Variants in MYRIP observed in about 807,000 individuals in gnomAD.
The protein encoded by MYRIP is myosin VIIA and Rab interacting protein.
In MYRIP, 49 loss-of-function variants were observed where a neutral mutation model predicts 98.0. That is an observed-to-expected ratio of 0.50 (90% CI 0.40 to 0.63). The LOEUF (loss-of-function observed/expected upper bound fraction) is 0.63, where lower values mean the gene tolerates loss of function less well. Among genes scored for constraint, MYRIP ranks in the 30% least tolerant of loss-of-function variants. MYRIP has a pLI of 0.00. For synonymous variants in MYRIP, 404 were observed against 409.5 expected (o/e 0.99, Z 0.16); for missense variants, 1,004 against 1,058.2 (o/e 0.95, Z 0.71).
At chr3:40,001,089 A>G (rs1320849469) in intron 2 of MYRIP, among the ~76,000 whole-genome samples, 2 of 152,298 alleles carry the variant, frequency 1.3e-5, no homozygotes, top group African/African-American at 2.4e-5. Flanking sequence ...TTTTTGTTTT[A>G]ATGTATATTA....
At position 39,824,635 on chromosome 3, in the gene MYRIP, G is replaced by A. The variant is rs562142859; in HGVS notation, c.-31+14719G>A. Among the ~76,000 whole-genome samples, 75 of 151,432 alleles carry A rather than the reference G, an allele frequency of 5.0e-4. 1 individual carries two copies. The highest frequency in any genetic ancestry group is 2.1e-3 in the Admixed American group (32 of 15,218). Reference sequence around the variant, plus strand: ...TTTATTTTTTGTAGCCATTGTAAATGGGATTGCCTTCTGGATTTCTTTTTC... The same window carrying A: ...TTTATTTTTTGTAGCCATTGTAAATAGGATTGCCTTCTGGATTTCTTTTTC... On this transcript the variant is annotated intron_variant, in intron 1 of 16. Coordinates refer to ENST00000302541, the MANE Select transcript of MYRIP (RefSeq NM_015460.4).
In MYRIP at chr3:40,258,390, T is replaced by A. The variant is rs560430978; in HGVS notation, c.*224T>A. ...TCTCTGCCTTAGGCTCCCAGGGGAA[T>A]CCAAGACAGAAAATGAAGACACTGG... On this transcript the variant is annotated 3_prime_UTR_variant, in exon 17 of 17. Coordinates refer to ENST00000302541, the MANE Select transcript of MYRIP (RefSeq NM_015460.4). 4 of 491,684 alleles carry A rather than the reference T, an allele frequency of 8.1e-6. No individual in the cohort carries two copies. Among genetic ancestry groups the A allele is most frequent in the African/African-American group, 7.6e-5 (4 of 52,946 alleles). The allele number at this position is 491,684 out of a possible 1,614,324, so 30.5% of individuals were successfully genotyped here.
At chr3:39,844,549 C>T (rs1941903761) in intron 1 of MYRIP, among the ~76,000 whole-genome samples, 1 of 152,218 alleles carries the variant, frequency 6.6e-6, no homozygotes, top group South Asian at 2.1e-4. Flanking sequence ...CAACTGATAT[C>T]TTCTGGAACT....
intron 3 of MYRIP, among the ~76,000 whole-genome samples, chr3:40,119,111 A>G (rs9810817): frequency 0.52 from 78,908 of 151,064 alleles, 20,906 homozygotes; most frequent in Admixed American, 0.61. Flanking sequence ...GGGATGGCTG[A>G]GTCAAATGGT....
At chr3:40,169,627 G>T (rs1361661220) in intron 7 of MYRIP, among the ~76,000 whole-genome samples, 6 of 152,188 alleles carry the variant, frequency 3.9e-5, no homozygotes, top group Admixed American at 2.0e-4. Flanking sequence ...AAAATGGAAA[G>T]AATTAGAATA....
At chr3:39,933,256 TTA>T (rs1944581790) in intron 2 of MYRIP, among the ~76,000 whole-genome samples, 1 of 152,200 alleles carries the variant, frequency 6.6e-6, no homozygotes, top group Admixed American at 6.5e-5. Context: ...CTCCACTTGT[TTA>T]TGTTTTATCT....
At chr3:40,146,003 G>A (rs974031246) in intron 3 of MYRIP, among the ~76,000 whole-genome samples, 16 of 152,162 alleles carry the variant, frequency 1.1e-4, no homozygotes, top group African/African-American at 3.9e-4. Context: ...GGATATAGGA[G>A]TGGGAAAAAA....
At chr3:40,118,518 A>G (rs1390689306) in intron 3 of MYRIP, among the ~76,000 whole-genome samples, 1 of 152,098 alleles carries the variant, frequency 6.6e-6, no homozygotes, top group Non-Finnish European at 1.5e-5. Flanking sequence ...GCATGCCCCT[A>G]AACAGGAATG....
chr3:39,985,683 AC>A (rs1946014833), intron 2 of MYRIP, among the ~76,000 whole-genome samples: 1 of 149,624 alleles, frequency 6.7e-6, no homozygotes, highest in Non-Finnish European at 1.5e-5. Context: ...TCTTTGACAA[AC>A]CTGAGAAAAA....
intron 2 of MYRIP, among the ~76,000 whole-genome samples, chr3:39,997,539 T>A (rs964524146): frequency 4.6e-5 from 7 of 152,154 alleles, no homozygotes; most frequent in Non-Finnish European, 8.8e-5. Context: ...CAGGCAATAA[T>A]TAATAGCTTA....
chr3:39,913,946 G>A (rs932667924), intron 2 of MYRIP, among the ~76,000 whole-genome samples: 2 of 152,160 alleles, frequency 1.3e-5, no homozygotes, highest in Non-Finnish European at 2.9e-5. Flanking sequence ...AGCTTCTTAT[G>A]AAATTTCTCT....
At chr3:39,863,041 C>T (rs1033909228) in intron 1 of MYRIP, among the ~76,000 whole-genome samples, 1 of 151,992 alleles carries the variant, frequency 6.6e-6, no homozygotes, top group Non-Finnish European at 1.5e-5. Context: ...ATTAACCCTC[C>T]CCTTGAATGA....
At chr3:39,968,350 A>G (rs1180745726) in intron 2 of MYRIP, among the ~76,000 whole-genome samples, 1 of 151,734 alleles carries the variant, frequency 6.6e-6, no homozygotes, top group Non-Finnish European at 1.5e-5. Context: ...TTTTTAAGAG[A>G]TGGGGTTTCG....
rs546163847 is a variant in MYRIP, at chr3:40,220,643, A to G, written c.1905+10550A>G. ...GTTAATTCTCACACTGCTATAAAGA[A>G]AAAACCTTAGACTGGGTAATTTATA... is the stretch of plus-strand genomic sequence containing the variant. On this transcript the variant is annotated intron_variant, in intron 11 of 16. Coordinates refer to ENST00000302541, the MANE Select transcript of MYRIP (RefSeq NM_015460.4). Among the ~76,000 whole-genome samples the G allele has an allele frequency of 2.9e-4, 44 of 152,332 alleles. 1 individual carries two copies. The highest frequency in any genetic ancestry group is 2.5e-3 in the Admixed American group (38 of 15,290).
chr3:39,840,988 C>T (rs1575293341), intron 1 of MYRIP, among the ~76,000 whole-genome samples: 1 of 152,102 alleles, frequency 6.6e-6, no homozygotes, highest in African/African-American at 2.4e-5. Context: ...TCTGTATTTC[C>T]TGAATTTGAA....
chr3:40,244,687 G>A (rs1953132187), intron 13 of MYRIP, 80 bp downstream of exon 13: 1 of 1,439,598 alleles, frequency 6.9e-7, no homozygotes, highest in Non-Finnish European at 9.3e-7. Flanking sequence ...TCACTTTAAA[G>A]CCATTGTATC....
intron 10 of MYRIP, among the ~76,000 whole-genome samples, chr3:40,208,004 T>G (rs1035876996): frequency 1.3e-5 from 2 of 152,222 alleles, no homozygotes; most frequent in African/African-American, 4.8e-5. Flanking sequence ...AGATTCAAAA[T>G]AGTGATGATT....
Position 40,190,428 on chromosome 3 carries a change from C to G in MYRIP, c.1630C>G (p.Pro544Ala), listed in dbSNP as rs1204582485. The G allele has an allele frequency of 6.2e-7, 1 of 1,605,242 alleles. No homozygotes were observed. The highest frequency in any genetic ancestry group is 1.7e-5 in the Admixed American group (1 of 58,718). Residue 544 changes from proline (P) to alanine (A), a missense_variant, in exon 10 of 17, where the codon CCC becomes GCC. Pro to Ala is a conservative substitution (Grantham distance 27). Transcript: ENST00000302541. The part of the protein sequence containing the change: ...SEEPSKEPSS[P>A]SAQLRDLDTH... ...AGAGCCAAGCAAAGAACCATCTTCC[C>G]CCAGCGCCCAGCTCCGGGATCTAGA...
At chr3:40,257,632 TC>T (rs990813897) in intron 16 of MYRIP, among the ~76,000 whole-genome samples, 1 of 152,196 alleles carries the variant, frequency 6.6e-6, no homozygotes, top group African/African-American at 2.4e-5. Flanking sequence ...GGTGAAATTT[TC>T]CTTGAATTAA....
Sources: allele counts gnomAD v4.1 joint callset (sites outside exome capture counted in the v4.1 genomes callset), GRCh38; gene constraint gnomAD v4.1.1; transcripts MANE v1.5; gene names NCBI Gene and HGNC (gene_info 2026-07-23, HGNC 2026-07-21).